Variants in BCKDHB observed in about 807,000 individuals in gnomAD.
BCKDHB encodes the protein 2-oxoisovalerate dehydrogenase subunit beta, mitochondrial.
A neutral mutation model predicts 48.5 loss-of-function variants in BCKDHB; 41 were observed. That is an observed-to-expected ratio of 0.85 (90% CI 0.66 to 1.10). The LOEUF (loss-of-function observed/expected upper bound fraction) is 1.10, where lower values mean the gene tolerates loss of function less well. Among genes scored for constraint, BCKDHB ranks in the 50% least tolerant of loss-of-function variants. BCKDHB has a pLI of 0.00. For missense variants in BCKDHB, 496 were observed against 494.2 expected, an observed-to-expected ratio of 1.00 and a Z score of -0.03; for synonymous variants, 201 against 174.8, an observed-to-expected ratio of 1.15 and a Z score of -1.18.
the BCKDHB span, among the ~76,000 whole-genome samples, chr6:80,410,024 G>T: frequency 6.6e-6 from 1 of 152,048 alleles, no homozygotes; most frequent in Non-Finnish European, 1.5e-5. Context: ...ATTAATTGAT[G>T]CAGTTTCTTC....
the BCKDHB span, among the ~76,000 whole-genome samples, chr6:80,413,623 CATG>C: frequency 6.6e-6 from 1 of 152,194 alleles, no homozygotes; most frequent in African/African-American, 2.4e-5. Flanking sequence ...CTGCAAAGAA[CATG>C]ATATCATTCT....
the BCKDHB span, among the ~76,000 whole-genome samples, chr6:80,379,919 G>A: frequency 6.6e-6 from 1 of 151,868 alleles, no homozygotes. Context: ...CAAAACACTG[G>A]TGAAATAAAT....
the BCKDHB span, among the ~76,000 whole-genome samples, chr6:80,418,548 T>C: frequency 6.6e-6 from 1 of 152,166 alleles, no homozygotes; most frequent in Non-Finnish European, 1.5e-5. Flanking sequence ...TTGGAAGAAT[T>C]TAGGGAGCCA....
intron 9 of BCKDHB, among the ~76,000 whole-genome samples, chr6:80,329,035 G>C (rs1769188821): frequency 6.6e-6 from 1 of 152,108 alleles, no homozygotes; most frequent in African/African-American, 2.4e-5. Context: ...GTGGAAACCA[G>C]TAGTGTGAGT....
At chr6:80,206,975 C>T (rs1774695576) in intron 8 of BCKDHB, among the ~76,000 whole-genome samples, 1 of 151,938 alleles carries the variant, frequency 6.6e-6, no homozygotes, top group African/African-American at 2.4e-5. Flanking sequence ...GCCTACAATT[C>T]TATATTCAGT....
the BCKDHB span, among the ~76,000 whole-genome samples, chr6:80,394,488 C>T: frequency 2.0e-5 from 3 of 151,806 alleles, no homozygotes; most frequent in African/African-American, 7.3e-5. Context: ...TGTGCTGTCT[C>T]TGCATCTCCT....
intron 8 of BCKDHB, among the ~76,000 whole-genome samples, chr6:80,259,198 C>T (rs534771470): frequency 6.6e-6 from 1 of 152,196 alleles, no homozygotes; most frequent in Non-Finnish European, 1.5e-5. Flanking sequence ...GGAGATTTGT[C>T]TTGAATGCCT....
At chr6:80,211,279 G>C (rs1253243326) in intron 8 of BCKDHB, among the ~76,000 whole-genome samples, 1 of 152,156 alleles carries the variant, frequency 6.6e-6, no homozygotes, top group African/African-American at 2.4e-5. Context: ...AAATGTATAA[G>C]AATTTGCCTT....
intron 3 of BCKDHB, among the ~76,000 whole-genome samples, chr6:80,155,884 G>A (rs1430219252): frequency 7.7e-6 from 1 of 130,072 alleles, no homozygotes; most frequent in Non-Finnish European, 1.6e-5. Context: ...GTGCTTGGTT[G>A]TTTGGAGCTT....
At chr6:80,351,637 T>C in the BCKDHB span, among the ~76,000 whole-genome samples, 1 of 74,700 alleles carries the variant, frequency 1.3e-5, no homozygotes, top group South Asian at 4.0e-4. Flanking sequence ...TCTGGAATTT[T>C]TTTTTTTCTT....
chr6:80,169,843 A>T (rs752802762), intron 5 of BCKDHB: 12 of 1,607,846 alleles, frequency 7.5e-6, no homozygotes, highest in Non-Finnish European at 9.3e-6. Flanking sequence ...AGTTGAGTAG[A>T]TGTTGCCTGA....
intron 7 of BCKDHB, among the ~76,000 whole-genome samples, chr6:80,202,656 A>G (rs536889272): frequency 2.0e-5 from 3 of 151,534 alleles, no homozygotes; most frequent in Non-Finnish European, 4.4e-5. Context: ...TTTTCTTTCT[A>G]GCTCTTTAAC....
At chr6:80,398,541 A>T in the BCKDHB span, among the ~76,000 whole-genome samples, 3 of 152,160 alleles carry the variant, frequency 2.0e-5, no homozygotes, top group African/African-American at 7.2e-5. Context: ...TACTAATTCC[A>T]TGAACAGACC....
chr6:80,138,799 A>T (rs560199059), intron 3 of BCKDHB, among the ~76,000 whole-genome samples: 10 of 151,696 alleles, frequency 6.6e-5, no homozygotes, highest in Admixed American at 6.6e-4. Context: ...ATGATTTATA[A>T]TCCTTTGGGT....
chr6:80,379,727 T>A, the BCKDHB span, among the ~76,000 whole-genome samples: 1 of 151,572 alleles, frequency 6.6e-6, no homozygotes, highest in South Asian at 2.1e-4. Context: ...CTCCTAGAGT[T>A]AATAAGCAAC....
chr6:80,327,624 A>T (rs564893630), intron 9 of BCKDHB, among the ~76,000 whole-genome samples: 1 of 152,272 alleles, frequency 6.6e-6, no homozygotes, highest in South Asian at 2.1e-4. Flanking sequence ...TTACAAAATA[A>T]ATAGTGTTTT....
In BCKDHB at chr6:80,133,712, G is replaced by A. The variant is rs148990745; in HGVS notation, c.343+4483G>A. ...GGCTGGAGTGCAGTAATGCGATCACGGCTCACTGTAACCTCTCTCTCCCAG... is the reference window on the plus strand; with the variant it reads ...GGCTGGAGTGCAGTAATGCGATCACAGCTCACTGTAACCTCTCTCTCCCAG... On this transcript the variant is annotated intron_variant, in intron 3 of 9. Transcript: ENST00000320393. Among the ~76,000 whole-genome samples the A allele has an allele frequency of 1.7e-3, 265 of 151,810 alleles. 1 individual carries two copies. Among genetic ancestry groups the A allele is most frequent in the African/African-American group, 6.1e-3 (253 of 41,340 alleles).
At chr6:80,394,100 T>C in the BCKDHB span, among the ~76,000 whole-genome samples, 9 of 152,206 alleles carry the variant, frequency 5.9e-5, no homozygotes, top group African/African-American at 2.2e-4. Context: ...AAATTGATTC[T>C]GTTCCTCCAA....
intron 8 of BCKDHB, among the ~76,000 whole-genome samples, chr6:80,210,655 C>A (rs568731753): frequency 6.6e-6 from 1 of 152,206 alleles, no homozygotes; most frequent in Admixed American, 6.5e-5. Context: ...TTGTAGTGAG[C>A]CCTTTTATGG....
Sources: gnomAD v4.1 joint callset for allele counts (sites outside exome capture counted in the v4.1 genomes callset) on GRCh38, gnomAD v4.1.1 for gene constraint, MANE v1.5 for transcripts, NCBI Gene and HGNC (gene_info 2026-07-23, HGNC 2026-07-21) for gene names.